Variants in DLGAP2 observed in about 807,000 individuals in gnomAD.
DLGAP2 encodes disks large-associated protein 2.
In DLGAP2, 26 loss-of-function variants were observed where a neutral mutation model predicts 100.3. The observed-to-expected ratio is 0.26, with a 90% CI of 0.19 to 0.36. The LOEUF is 0.36. Among genes scored for constraint, DLGAP2 ranks in the 10% least tolerant of loss-of-function variants. DLGAP2 has a pLI of 1.00. For synonymous variants in DLGAP2, 886 were observed against 630.1 expected (o/e 1.41, Z -6.08); for missense variants, 1,858 against 1,453.2 (o/e 1.28, Z -4.53).
chr8:1,598,900 T>G (rs984779317), intron 6 of DLGAP2, among the ~76,000 whole-genome samples: 1 of 152,202 alleles, frequency 6.6e-6, no homozygotes, highest in Admixed American at 6.5e-5. Context: ...ATTTCTTGTC[T>G]TATCTTAGCT....
chr8:982,223 C>G (rs993172519), intron 2 of DLGAP2, among the ~76,000 whole-genome samples: 16 of 152,216 alleles, frequency 1.1e-4, no homozygotes, highest in African/African-American at 3.6e-4. Context: ...AATAACAGTA[C>G]CTAACCCACG....
At chr8:1,366,583 C>T (rs569606322) in intron 3 of DLGAP2, among the ~76,000 whole-genome samples, 1 of 152,098 alleles carries the variant, frequency 6.6e-6, no homozygotes, top group Admixed American at 6.5e-5. Context: ...GGCAGAGGCA[C>T]CCCGGCAGAG....
intron 2 of DLGAP2, chr8:1,018,883 A>T (rs543833141): frequency 2.0e-5 from 3 of 152,168 alleles, no homozygotes; most frequent in Non-Finnish European, 4.4e-5. Flanking sequence ...AGTTTGTGCA[A>T]TGACAAGCTG....
intron 5 of DLGAP2, among the ~76,000 whole-genome samples, chr8:1,564,222 G>A (rs1356445413): frequency 6.6e-6 from 1 of 152,164 alleles, no homozygotes; most frequent in Non-Finnish European, 1.5e-5. Flanking sequence ...AATGAACCGT[G>A]GGGAAAAGAA....
chr8:755,434 G>GC (rs1448522144), intron 1 of DLGAP2, among the ~76,000 whole-genome samples: 1 of 152,176 alleles, frequency 6.6e-6, no homozygotes, highest in Non-Finnish European at 1.5e-5. Flanking sequence ...TCCAGCCTGG[G>GC]CGACAGAGCA....
At chr8:1,070,294 G>C (rs185852569) in intron 2 of DLGAP2, among the ~76,000 whole-genome samples, 2 of 152,308 alleles carry the variant, frequency 1.3e-5, no homozygotes, top group East Asian at 3.9e-4. Flanking sequence ...AGAAGCCACA[G>C]CAGGGACTTA....
At chr8:1,263,988 G>C (rs576041470) in intron 3 of DLGAP2, among the ~76,000 whole-genome samples, 1 of 152,148 alleles carries the variant, frequency 6.6e-6, no homozygotes, top group Non-Finnish European at 1.5e-5. Flanking sequence ...CCTGAACATG[G>C]TTAGGGTTTT....
At chr8:1,428,887 G>T (rs952595304) in intron 3 of DLGAP2, among the ~76,000 whole-genome samples, 2 of 152,198 alleles carry the variant, frequency 1.3e-5, no homozygotes, top group African/African-American at 2.4e-5. Flanking sequence ...CCCATGCACA[G>T]GACGTCGTCT....
chr8:868,840 C>A (rs958497968), intron 1 of DLGAP2, among the ~76,000 whole-genome samples: 1 of 152,198 alleles, frequency 6.6e-6, no homozygotes, highest in Non-Finnish European at 1.5e-5. Flanking sequence ...AGGCTGGACG[C>A]GTCAGGCAGC....
intron 2 of DLGAP2, among the ~76,000 whole-genome samples, chr8:1,111,382 G>A (rs1018622964): frequency 6.6e-6 from 1 of 151,942 alleles, no homozygotes; most frequent in Non-Finnish European, 1.5e-5. Flanking sequence ...GACCTTGGGC[G>A]TGTTTCTTTT....
At chr8:1,486,004 G>T (rs1175054857) in intron 3 of DLGAP2, among the ~76,000 whole-genome samples, 1 of 152,152 alleles carries the variant, frequency 6.6e-6, no homozygotes, top group Non-Finnish European at 1.5e-5. Context: ...TCCAGCCTGG[G>T]TGACAGAAAG....
intron 2 of DLGAP2, among the ~76,000 whole-genome samples, chr8:998,197 TAC>T: frequency 1.3e-5 from 2 of 152,242 alleles, no homozygotes; most frequent in South Asian, 2.1e-4. Flanking sequence ...CACACATAAA[TAC>T]ACACATACAC....
intron 3 of DLGAP2, among the ~76,000 whole-genome samples, chr8:1,448,915 A>G (rs75920800): frequency 0.069 from 10,537 of 152,282 alleles, 656 homozygotes; most frequent in East Asian, 0.27. Context: ...CAGTGGGTCA[A>G]ACATGCAGCC....
At chr8:878,093 T>A (rs1449887116) in intron 1 of DLGAP2, among the ~76,000 whole-genome samples, 1 of 152,186 alleles carries the variant, frequency 6.6e-6, no homozygotes, top group Non-Finnish European at 1.5e-5. Flanking sequence ...CAGTTTTCCT[T>A]GAGAGTACTG....
At chr8:1,141,533 C>T (rs188431350) in intron 2 of DLGAP2, among the ~76,000 whole-genome samples, 1 of 152,168 alleles carries the variant, frequency 6.6e-6, no homozygotes, top group East Asian at 1.9e-4. Flanking sequence ...CAAATAGGAT[C>T]TTTCTTATAT....
At chr8:1,535,181 A>G (rs2130468818) in intron 4 of DLGAP2, among the ~76,000 whole-genome samples, 1 of 152,310 alleles carries the variant, frequency 6.6e-6, no homozygotes, top group Non-Finnish European at 1.5e-5. Context: ...CCCCAGGGGT[A>G]GTGGCCGCCT....
At chr8:1,093,164 T>A (rs1006885542) in intron 2 of DLGAP2, among the ~76,000 whole-genome samples, 2 of 152,176 alleles carry the variant, frequency 1.3e-5, no homozygotes, top group African/African-American at 4.8e-5. Flanking sequence ...GAGGGCCATC[T>A]CCTTCACCCA....
At chr8:1,333,680 C>T (rs1033468167) in intron 3 of DLGAP2, among the ~76,000 whole-genome samples, 4 of 152,228 alleles carry the variant, frequency 2.6e-5, no homozygotes, top group Admixed American at 6.5e-5. Context: ...GCGGGCTCTC[C>T]AGGCAGGTCT....
chr8:762,570 G>T (rs1027716804), intron 1 of DLGAP2, among the ~76,000 whole-genome samples: 6 of 152,134 alleles, frequency 3.9e-5, no homozygotes, highest in African/African-American at 1.2e-4. Flanking sequence ...CTGCTTTGCA[G>T]AGCTCTTCTG....
Sources: gnomAD v4.1 joint callset for allele counts (sites outside exome capture counted in the v4.1 genomes callset) on GRCh38, gnomAD v4.1.1 for gene constraint, MANE v1.5 for transcripts, NCBI Gene and HGNC (gene_info 2026-07-23, HGNC 2026-07-21) for gene names.